ZNF385D: variants seen among roughly 807,000 people sequenced by gnomAD.
ZNF385D encodes zinc finger protein 659.
In ZNF385D, 15 loss-of-function variants were observed where a neutral mutation model predicts 35.8. The ratio of observed to expected loss-of-function variants is 0.42; its 90% confidence interval spans 0.28 to 0.64. ZNF385D has a LOEUF of 0.64. Ranked by LOEUF, ZNF385D falls within the 30% of genes least tolerant of loss-of-function variation. The pLI, the probability that ZNF385D is intolerant of heterozygous loss-of-function variation, is 0.23. For synonymous variants in ZNF385D, 212 were observed against 186.8 expected (o/e 1.13, Z -1.10); for missense variants, 474 against 494.6 (o/e 0.96, Z 0.39).
chr3:21,425,839 C>T (rs1196950027), intron 5 of ZNF385D, among the ~76,000 whole-genome samples, 169 bp from the exon 6 acceptor site: 1 of 152,070 alleles, frequency 6.6e-6, no homozygotes, highest in East Asian at 1.9e-4. Context: ...GCATTATGGG[C>T]AGAAGTATAT....
At chr3:22,359,592 G>C (rs1696320849) in intron 2 of ZNF385D, among the ~76,000 whole-genome samples, 1 of 151,808 alleles carries the variant, frequency 6.6e-6, no homozygotes, top group Non-Finnish European at 1.5e-5. Context: ...TGTGTGTCAA[G>C]ATTGGTATCT....
chr3:22,008,783 G>A (rs1291584579), intron 3 of ZNF385D, among the ~76,000 whole-genome samples: 3 of 152,182 alleles, frequency 2.0e-5, no homozygotes, highest in Non-Finnish European at 2.9e-5. Flanking sequence ...ATAGAGAAAT[G>A]TATAGAACCA....
chr3:21,524,026 G>C (rs1174152424), intron 3 of ZNF385D, among the ~76,000 whole-genome samples: 6 of 152,184 alleles, frequency 3.9e-5, no homozygotes, highest in Non-Finnish European at 8.8e-5. Flanking sequence ...GAATTTTGAG[G>C]GGTGGTCTCA....
At chr3:22,093,163 G>GA (rs1007749574) in intron 3 of ZNF385D, among the ~76,000 whole-genome samples, 5 of 149,986 alleles carry the variant, frequency 3.3e-5, no homozygotes, top group East Asian at 1.9e-4. Flanking sequence ...ACACCCTGAG[G>GA]AAAAAAAAAG....
chr3:22,298,482 T>G (rs890565347), intron 2 of ZNF385D, among the ~76,000 whole-genome samples: 3 of 145,526 alleles, frequency 2.1e-5, no homozygotes, highest in African/African-American at 7.4e-5. Flanking sequence ...ACATAAAACA[T>G]TTATATATAA....
intron 3 of ZNF385D, among the ~76,000 whole-genome samples, chr3:21,982,451 T>A (rs1275438259): frequency 6.6e-6 from 1 of 152,172 alleles, no homozygotes; most frequent in Non-Finnish European, 1.5e-5. Flanking sequence ...CTAACTTTGC[T>A]GAAGTTGTTT....
intron 3 of ZNF385D, among the ~76,000 whole-genome samples, chr3:21,521,674 G>A (rs941331923): frequency 2.6e-5 from 4 of 152,074 alleles, no homozygotes; most frequent in South Asian, 4.1e-4. Context: ...AGATCACTTA[G>A]GTCCAGGAAT....
chr3:21,815,554 C>A (rs546490417), intron 3 of ZNF385D, among the ~76,000 whole-genome samples: 1 of 152,328 alleles, frequency 6.6e-6, no homozygotes, highest in East Asian at 1.9e-4. Context: ...ATAAACACCT[C>A]TCCACAAATA....
At chr3:22,258,082 G>A (rs917682625) in intron 2 of ZNF385D, among the ~76,000 whole-genome samples, 1 of 151,764 alleles carries the variant, frequency 6.6e-6, no homozygotes. Flanking sequence ...AGATATAATA[G>A]AGTAAACTGA....
intron 3 of ZNF385D, among the ~76,000 whole-genome samples, chr3:21,770,178 C>G (rs1268146607): frequency 6.6e-6 from 1 of 152,140 alleles, no homozygotes; most frequent in Non-Finnish European, 1.5e-5. Flanking sequence ...TAGGCATGCG[C>G]AAGGACTTCA....
At position 21,528,695 on chromosome 3, in the gene ZNF385D, G is replaced by C. The variant is rs367662628; in HGVS notation, c.277-17672C>G. Among the ~76,000 whole-genome samples, 6 of 152,146 alleles carry C rather than the reference G, an allele frequency of 3.9e-5. No homozygotes were observed. The East Asian group carries it at 9.6e-4, about 24-fold the overall frequency. On this transcript the variant is annotated intron_variant, in intron 3 of 7. Transcript: ENST00000281523. ...CAAAACTTAAGTATCTAATTTGTTA[G>C]AGCCACTATGCATCTTTTGATTGAT...
At chr3:22,303,967 A>G (rs952120762) in intron 2 of ZNF385D, among the ~76,000 whole-genome samples, 1 of 152,006 alleles carries the variant, frequency 6.6e-6, no homozygotes, top group African/African-American at 2.4e-5. Context: ...TAGTAGAGAC[A>G]GGGTTTCACC....
At chr3:22,061,366 C>T (rs561652269) in intron 3 of ZNF385D, among the ~76,000 whole-genome samples, 1 of 152,210 alleles carries the variant, frequency 6.6e-6, no homozygotes, top group Admixed American at 6.5e-5. Context: ...TTCTACTTTT[C>T]CTGCTTCCAC....
At chr3:21,844,227 G>A (rs1436531951) in intron 3 of ZNF385D, among the ~76,000 whole-genome samples, 1 of 151,954 alleles carries the variant, frequency 6.6e-6, no homozygotes, top group East Asian at 1.9e-4. Context: ...CGTGCCAAGA[G>A]AGGAGGGTTT....
At chr3:22,167,148 T>C (rs1384270810) in intron 3 of ZNF385D, among the ~76,000 whole-genome samples, 1 of 152,154 alleles carries the variant, frequency 6.6e-6, no homozygotes, top group Admixed American at 6.5e-5. Context: ...ACAAGTCAAA[T>C]CCATGGACTG....
intron 1 of ZNF385D, among the ~76,000 whole-genome samples, chr3:21,710,532 T>G (rs966335107): frequency 1.3e-5 from 2 of 152,216 alleles, no homozygotes; most frequent in Non-Finnish European, 1.5e-5. Context: ...ACAATGCATA[T>G]TGGTGAGCAG....
intron 2 of ZNF385D, among the ~76,000 whole-genome samples, chr3:21,615,605 AC>A (rs771310402): frequency 3.2e-4 from 48 of 152,122 alleles, no homozygotes; most frequent in Non-Finnish European, 4.9e-4. Context: ...TCTTGATTTT[AC>A]CCTCTACCCA....
chr3:22,173,564 C>G (rs140342979), intron 2 of ZNF385D, among the ~76,000 whole-genome samples: 167 of 152,252 alleles, frequency 1.1e-3, no homozygotes, highest in African/African-American at 3.9e-3. Flanking sequence ...AACTTGTGTG[C>G]TCTGGGAAAG....
chr3:21,936,306 T>C lies in ZNF385D; in HGVS notation c.325+232511A>G, dbSNP rs115542231. Among the ~76,000 whole-genome samples the C allele has an allele frequency of 2.5e-3, 378 of 152,252 alleles. 1 individual carries two copies. Among genetic ancestry groups the C allele is most frequent in the African/African-American group, 8.6e-3 (359 of 41,560 alleles). Reference sequence around the variant, plus strand: ...CGACTTTCAACAATATACATAAAGATTTATTTCAATCATCTTAGCGTATTG... The same window carrying C: ...CGACTTTCAACAATATACATAAAGACTTATTTCAATCATCTTAGCGTATTG... On this transcript the variant is annotated intron_variant, in intron 3 of 5. Transcript: ENST00000494108.
Sources: allele counts gnomAD v4.1 joint callset (sites outside exome capture counted in the v4.1 genomes callset), GRCh38; gene constraint gnomAD v4.1.1; transcripts MANE v1.5; gene names NCBI Gene and HGNC (gene_info 2026-07-23, HGNC 2026-07-21).